Variants in ZFAND6 observed in about 807,000 individuals in gnomAD.
ZFAND6 encodes the protein AN1-type zinc finger protein 6.
A neutral mutation model predicts 24.5 loss-of-function variants in ZFAND6; 12 were observed. The observed-to-expected ratio is 0.49, with a 90% CI of 0.31 to 0.79. The LOEUF (loss-of-function observed/expected upper bound fraction) is 0.79. Among genes scored for constraint, ZFAND6 ranks in the 30% least tolerant of loss-of-function variants. The pLI, the probability that ZFAND6 is intolerant of heterozygous loss-of-function variation, is 0.04. For synonymous variants in ZFAND6, 92 were observed against 81.5 expected (o/e 1.13, Z -0.69); for missense variants, 207 against 245.9 (o/e 0.84, Z 1.06).
chr15:80,096,969 A>T lies in ZFAND6; in HGVS notation c.-180-1447A>T, dbSNP rs537770900. Among the ~76,000 whole-genome samples the T allele has an allele frequency of 7.3e-5, 11 of 151,108 alleles. No individual in the cohort carries two copies. The South Asian group carries it at 2.3e-3, about 32-fold the overall frequency. ...TGTATTGTGGCTTTCTGATACTGTTATACATTAAAGTTTAGATATAATGTG... is the reference window on the plus strand; with the variant it reads ...TGTATTGTGGCTTTCTGATACTGTTTTACATTAAAGTTTAGATATAATGTG... On this transcript the variant is annotated intron_variant, in intron 1 of 6. Coordinates refer to ENST00000261749, the MANE Select transcript of ZFAND6 (RefSeq NM_019006.4).
At chr15:80,106,434 G>A (rs1187744293) in intron 2 of ZFAND6, among the ~76,000 whole-genome samples, 4 of 152,002 alleles carry the variant, frequency 2.6e-5, no homozygotes, top group South Asian at 2.1e-4. Context: ...CTGTAAAGGC[G>A]AAATTGAGCA....
At chr15:80,101,871 C>T (rs139272734) in intron 2 of ZFAND6, among the ~76,000 whole-genome samples, 2 of 148,506 alleles carry the variant, frequency 1.3e-5, no homozygotes, top group East Asian at 4.0e-4. Flanking sequence ...CGGCTCACTG[C>T]AAGCTCTGCC....
intron 5 of ZFAND6, among the ~76,000 whole-genome samples, chr15:80,123,826 T>G (rs2040251898): frequency 6.6e-6 from 1 of 152,194 alleles, no homozygotes; most frequent in Non-Finnish European, 1.5e-5. Flanking sequence ...TGAGCTATGA[T>G]CGTGCCACTG....
At chr15:80,103,141 G>C (rs2141951795) in intron 2 of ZFAND6, among the ~76,000 whole-genome samples, 1 of 152,310 alleles carries the variant, frequency 6.6e-6, no homozygotes, top group East Asian at 1.9e-4. Flanking sequence ...TCTTAGAAGG[G>C]AATGTTAGTA....
intron 5 of ZFAND6, among the ~76,000 whole-genome samples, chr15:80,126,550 T>C (rs531706223): frequency 1.3e-5 from 2 of 152,338 alleles, no homozygotes; most frequent in East Asian, 3.9e-4. Flanking sequence ...AAAAGAGTAA[T>C]CTTTTAAACA....
intron 6 of ZFAND6, among the ~76,000 whole-genome samples, chr15:80,132,206 T>C (rs572827437): frequency 1.3e-5 from 2 of 152,298 alleles, no homozygotes; most frequent in African/African-American, 4.8e-5. Context: ...GGAAAATTTT[T>C]TGGAGATTTG....
chr15:80,108,664 C>G (rs1399560503), intron 2 of ZFAND6, among the ~76,000 whole-genome samples: 1 of 152,106 alleles, frequency 6.6e-6, no homozygotes, highest in Admixed American at 6.6e-5. Flanking sequence ...AAATGAACCT[C>G]TTTCTGAGTA....
chr15:80,091,157 A>AGG (rs1168509585), intron 1 of ZFAND6, among the ~76,000 whole-genome samples: 10 of 75,892 alleles, frequency 1.3e-4, no homozygotes, highest in Non-Finnish European at 1.9e-4. Context: ...TTAGTTGTTA[A>AGG]GGGGTGTGTG....
chr15:80,064,167 G>C (rs1161554377), intron 1 of ZFAND6, among the ~76,000 whole-genome samples: 1 of 152,052 alleles, frequency 6.6e-6, no homozygotes. Context: ...CTATGTATTT[G>C]TCATTGTTTC....
At position 80,117,172 on chromosome 15, in the gene ZFAND6, A is replaced by G. The variant is rs1281540227; in HGVS notation, c.-17-3156A>G. Among the ~76,000 whole-genome samples, 6 of 151,776 alleles carry G rather than the reference A, an allele frequency of 4.0e-5. No homozygotes were observed. The East Asian group carries it at 1.2e-3, about 29-fold the overall frequency. On this transcript the variant is annotated intron_variant, in intron 2 of 6. Coordinates refer to ENST00000261749, the MANE Select transcript of ZFAND6 (RefSeq NM_019006.4). ...TGTCTTTGATAACAGATACTATTAGATGTTTGAAGTGATGAGTGCACTTTG... is the reference window on the plus strand; with the variant it reads ...TGTCTTTGATAACAGATACTATTAGGTGTTTGAAGTGATGAGTGCACTTTG...
chr15:80,104,596 T>C (rs1256013692), intron 2 of ZFAND6, among the ~76,000 whole-genome samples: 1 of 152,246 alleles, frequency 6.6e-6, no homozygotes, highest in Non-Finnish European at 1.5e-5. Context: ...TCAGGTATTA[T>C]TGACCATATC....
intron 1 of ZFAND6, among the ~76,000 whole-genome samples, chr15:80,071,933 T>TA (rs907461872): frequency 2.0e-5 from 3 of 152,102 alleles, no homozygotes; most frequent in Non-Finnish European, 2.9e-5. Flanking sequence ...TCTTCAGTTT[T>TA]AAGTAGAAAT....
chr15:80,137,725 C>G lies in ZFAND6; in HGVS notation c.*97C>G, dbSNP rs2040926504. 1 of 1,247,470 alleles carries G rather than the reference C, an allele frequency of 8.0e-7. No homozygotes were observed. The highest frequency in any genetic ancestry group is 1.9e-5 in the South Asian group (1 of 52,866). 77.3% of individuals were successfully genotyped at this position (1,247,470 alleles called of 1,614,324 possible). A position where few individuals can be genotyped will look rare whatever the true frequency, so the allele number is the denominator to read the frequency against. On this transcript the variant is annotated 3_prime_UTR_variant, in exon 7 of 7. Coordinates refer to ENST00000261749, the MANE Select transcript of ZFAND6 (RefSeq NM_019006.4). ...TCATTGGGAATGTAGAGCAGTGTAT[C>G]TTGCATGTCATCGGAAGAATAGATT...
chr15:80,080,707 G>A (rs897865209), intron 1 of ZFAND6, among the ~76,000 whole-genome samples: 1 of 152,188 alleles, frequency 6.6e-6, no homozygotes, highest in Admixed American at 6.5e-5. Flanking sequence ...TCTTCAGGCT[G>A]TGCAGGAGAC....
At chr15:80,072,846 C>T (rs1028750535) in intron 1 of ZFAND6, among the ~76,000 whole-genome samples, 5 of 151,912 alleles carry the variant, frequency 3.3e-5, no homozygotes, top group Non-Finnish European at 7.4e-5. Context: ...TTTCTCCTAT[C>T]ATTATTTTTA....
intron 6 of ZFAND6, among the ~76,000 whole-genome samples, chr15:80,132,513 TTC>T (rs539050274): frequency 1.5e-4 from 23 of 152,328 alleles, no homozygotes; most frequent in Admixed American, 1.4e-3. Flanking sequence ...TATACTATAC[TTC>T]TCTAATAATT....
chr15:80,095,759 C>G (rs1017325102), intron 1 of ZFAND6, among the ~76,000 whole-genome samples: 40 of 152,278 alleles, frequency 2.6e-4, no homozygotes, highest in Admixed American at 1.8e-3. Context: ...CTCTGTACCA[C>G]GTGAGATGAG....
At chr15:80,064,928 G>A (rs757000559) in intron 1 of ZFAND6, among the ~76,000 whole-genome samples, 8 of 151,044 alleles carry the variant, frequency 5.3e-5, no homozygotes, top group Admixed American at 2.6e-4. Flanking sequence ...CACTGGGCCT[G>A]GCATGCAAAT....
At chr15:80,105,685 CA>C (rs1355357621) in intron 2 of ZFAND6, among the ~76,000 whole-genome samples, 1 of 152,116 alleles carries the variant, frequency 6.6e-6, no homozygotes. Context: ...TATTCACAAC[CA>C]ACTTGAAGAT....
Sources: allele counts gnomAD v4.1 joint callset (sites outside exome capture counted in the v4.1 genomes callset), GRCh38; gene constraint gnomAD v4.1.1; transcripts MANE v1.5; gene names NCBI Gene and HGNC (gene_info 2026-07-23, HGNC 2026-07-21).